PDE1A: variants seen among roughly 807,000 people sequenced by gnomAD.
The protein encoded by PDE1A is phosphodiesterase 1A.
A neutral mutation model predicts 61.7 loss-of-function variants in PDE1A; 35 were observed. That is an observed-to-expected ratio of 0.57 (90% CI 0.43 to 0.75). PDE1A has a LOEUF of 0.75. PDE1A is among the 30% of genes least tolerant of loss of function. The probability of loss-of-function intolerance (pLI) is 0.00; values close to 1 mark genes in which losing one functional copy is unlikely to be tolerated. For missense variants in PDE1A, 597 were observed against 630.6 expected (o/e 0.95, Z 0.57); for synonymous variants, 232 against 213.2 (o/e 1.09, Z -0.77).
chr2:182,418,956 T>C (rs1394150379), intron 1 of PDE1A, among the ~76,000 whole-genome samples: 1 of 152,136 alleles, frequency 6.6e-6, no homozygotes, highest in Non-Finnish European at 1.5e-5. Flanking sequence ...TAAGCCACTA[T>C]GCTTTGGGAA....
At chr2:182,626,454 G>A in the PDE1A span, among the ~76,000 whole-genome samples, 3 of 151,436 alleles carry the variant, frequency 2.0e-5, no homozygotes, top group South Asian at 6.3e-4. Context: ...TGCTTTAAAG[G>A]CCATTGCTTT....
intron 1 of PDE1A, among the ~76,000 whole-genome samples, chr2:182,384,095 CA>C (rs995537369): frequency 6.6e-6 from 1 of 152,224 alleles, no homozygotes; most frequent in African/African-American, 2.4e-5. Flanking sequence ...ATGCTCCAGA[CA>C]ATCCTTAGTG....
chr2:182,240,249 C>A lies in PDE1A; in HGVS notation c.211G>T (p.Asp71Tyr), dbSNP rs771208488. ...TCCCGGACTTCAGATGGGACTGAGTCAGTCTGAATGTCACTGAGCTCATCT... is the reference window on the plus strand; with the variant it reads ...TCCCGGACTTCAGATGGGACTGAGTAAGTCTGAATGTCACTGAGCTCATCT... The change falls in exon 3 of 14, where the codon GAC (aspartate) becomes TAC (tyrosine). Residue 71 changes from aspartate to tyrosine, a missense_variant. Transcript: ENST00000351439. 3.5e-5 allele frequency: 56 copies of A among 1,612,374 alleles called. No individual in the cohort carries two copies. The highest frequency in any genetic ancestry group is 4.7e-5 in the Non-Finnish European group (56 of 1,179,096).
intron 1 of PDE1A, among the ~76,000 whole-genome samples, chr2:182,323,998 A>G (rs566186621): frequency 3.9e-5 from 6 of 152,288 alleles, no homozygotes; most frequent in Non-Finnish European, 8.8e-5. Context: ...CTACACCAGT[A>G]GGGAAGACAT....
At chr2:182,689,039 A>G in the PDE1A span, among the ~76,000 whole-genome samples, 1 of 152,204 alleles carries the variant, frequency 6.6e-6, no homozygotes, top group Non-Finnish European at 1.5e-5. Context: ...AAGTCCTTAG[A>G]GAACTACAAA....
chr2:182,274,366 C>T (rs2125827558), intron 1 of PDE1A, among the ~76,000 whole-genome samples: 1 of 152,130 alleles, frequency 6.6e-6, no homozygotes, highest in Non-Finnish European at 1.5e-5. Context: ...AAAAAAACCA[C>T]AGAAAGAAAA....
At chr2:182,442,873 C>T (rs560635404) in intron 2 of PDE1A, among the ~76,000 whole-genome samples, 1 of 152,072 alleles carries the variant, frequency 6.6e-6, no homozygotes, top group East Asian at 1.9e-4. Flanking sequence ...CTTTGTGATG[C>T]CATATTTCAG....
chr2:182,364,959 G>C (rs892006233), intron 1 of PDE1A, among the ~76,000 whole-genome samples: 2 of 151,926 alleles, frequency 1.3e-5, no homozygotes, highest in African/African-American at 4.8e-5. Flanking sequence ...ACCCTTATCT[G>C]GTTTAGGCCT....
exon 14 of PDE1A, chr2:182,168,155 C>T (rs1233054138): frequency 1.3e-6 from 2 of 1,531,198 alleles, no homozygotes; most frequent in African/African-American, 2.8e-5. Context: ...TCACACAGGA[C>T]AGGGTAGATT....
chr2:182,581,181 T>A, the PDE1A span, among the ~76,000 whole-genome samples: 4 of 152,194 alleles, frequency 2.6e-5, no homozygotes, highest in African/African-American at 9.6e-5. Context: ...CCCTGGAAGA[T>A]ACCTATTTTC....
At chr2:182,484,972 C>A (rs964485194) in intron 2 of PDE1A, among the ~76,000 whole-genome samples, 1 of 151,982 alleles carries the variant, frequency 6.6e-6, no homozygotes, top group Non-Finnish European at 1.5e-5. Context: ...CCTCCAAGAA[C>A]TAAAAGCAGG....
At chr2:182,401,257 G>A (rs1218303553) in intron 1 of PDE1A, among the ~76,000 whole-genome samples, 4 of 152,080 alleles carry the variant, frequency 2.6e-5, no homozygotes, top group African/African-American at 4.8e-5. Context: ...GATAAACATC[G>A]ATGCGAAAAT....
chr2:182,251,807 A>G (rs1574152100), intron 2 of PDE1A, among the ~76,000 whole-genome samples: 1 of 152,222 alleles, frequency 6.6e-6, no homozygotes, highest in African/African-American at 2.4e-5. Flanking sequence ...TCCCCATGAA[A>G]GTATTTTAAT....
intron 2 of PDE1A, among the ~76,000 whole-genome samples, chr2:182,452,372 T>G (rs948331623): frequency 6.6e-6 from 1 of 152,144 alleles, no homozygotes; most frequent in Admixed American, 6.6e-5. Flanking sequence ...TGTTCATGTG[T>G]GTGTTTATGT....
chr2:182,277,889 A>T (rs917973523), intron 1 of PDE1A, among the ~76,000 whole-genome samples: 9 of 152,014 alleles, frequency 5.9e-5, no homozygotes, highest in Non-Finnish European at 1.3e-4. Context: ...AATGGCTCAC[A>T]CTGTCACTTG....
At chr2:182,328,682 T>A (rs1697206941) in intron 1 of PDE1A, among the ~76,000 whole-genome samples, 1 of 151,896 alleles carries the variant, frequency 6.6e-6, no homozygotes, top group African/African-American at 2.4e-5. Context: ...CGGGAGCAGG[T>A]GGTTAAGAGA....
intron 13 of PDE1A, among the ~76,000 whole-genome samples, chr2:182,158,108 C>T (rs923707804): frequency 2.6e-5 from 4 of 152,180 alleles, no homozygotes; most frequent in Non-Finnish European, 5.9e-5. Flanking sequence ...GAGCTAGCTT[C>T]ATCTACTTAG....
intron 1 of PDE1A, among the ~76,000 whole-genome samples, chr2:182,364,565 A>G (rs1217734334): frequency 1.3e-5 from 2 of 149,168 alleles, no homozygotes; most frequent in African/African-American, 4.9e-5. Flanking sequence ...TAGCTCTGAC[A>G]TTTCAGGACA....
At chr2:182,285,991 GC>G in intron 1 of PDE1A, among the ~76,000 whole-genome samples, 1 of 152,286 alleles carries the variant, frequency 6.6e-6, no homozygotes, top group Admixed American at 6.5e-5. Context: ...CATCCGTAAA[GC>G]TGGAAAATGA....
Sources: allele counts gnomAD v4.1 joint callset (sites outside exome capture counted in the v4.1 genomes callset), GRCh38; gene constraint gnomAD v4.1.1; transcripts MANE v1.5; gene names NCBI Gene and HGNC (gene_info 2026-07-23, HGNC 2026-07-21).